IMMP2L: variants seen among roughly 807,000 people sequenced by gnomAD.
IMMP2L encodes the protein inner mitochondrial membrane peptidase subunit 2.
IMMP2L carries 18 observed loss-of-function variants against 19.3 expected under a neutral mutation model. The observed-to-expected ratio is 0.93, with a 90% CI of 0.64 to 1.38. IMMP2L has a LOEUF of 1.38. IMMP2L is among the 40% of genes most tolerant of loss of function. The probability of loss-of-function intolerance (pLI) is 0.00; values close to 1 mark genes in which losing one functional copy is unlikely to be tolerated. For missense variants in IMMP2L, 233 were observed against 218.2 expected (o/e 1.07, Z -0.43); for synonymous variants, 76 against 73.0 (o/e 1.04, Z -0.21).
chr7:111,489,115 C>T (rs1216057700), intron 2 of IMMP2L, among the ~76,000 whole-genome samples: 3 of 148,954 alleles, frequency 2.0e-5, no homozygotes, highest in African/African-American at 7.5e-5. Flanking sequence ...ATCATCTCCG[C>T]TCACTGCAAT....
chr7:110,880,623 A>G (rs557174350), intron 5 of IMMP2L, among the ~76,000 whole-genome samples: 60 of 152,066 alleles, frequency 3.9e-4, no homozygotes, highest in African/African-American at 1.4e-3. Context: ...TTATTTTTCT[A>G]TGTACACTCA....
rs371793087 is a variant in IMMP2L at position 110,663,667 on chromosome 7, G to A, written c.463C>T (p.Arg155Cys). ...HATHILWPPE[R>C]WQKLESVLPP... is the part of the protein sequence containing the mutation. The stretch of plus-strand genomic sequence containing the variant: ...AGAACAGATTCCAATTTCTGCCAGC[G>A]CTCTGGGGGCCACAGGATATGTGTG... Residue 155 changes from arginine to cysteine, a missense_variant, in exon 6 of 6, where the codon CGC (arginine) becomes TGC (cysteine). Transcript: ENST00000405709. The A allele has an allele frequency of 6.3e-5, 102 of 1,609,228 alleles. No individual in the cohort carries two copies. The highest frequency in any genetic ancestry group is 1.8e-4 in the Admixed American group (11 of 59,586).
chr7:111,074,071 A>C (rs1795181525), intron 3 of IMMP2L, among the ~76,000 whole-genome samples: 1 of 152,196 alleles, frequency 6.6e-6, no homozygotes, highest in Non-Finnish European at 1.5e-5. Flanking sequence ...GTTACCCAGT[A>C]ATTTTGACTA....
chr7:111,354,500 T>C (rs1828499732), intron 3 of IMMP2L, among the ~76,000 whole-genome samples: 2 of 151,210 alleles, frequency 1.3e-5, no homozygotes, highest in African/African-American at 4.9e-5. Flanking sequence ...CATTAAATGA[T>C]AAATATCAGA....
At chr7:110,959,047 G>A (rs919505562) in intron 4 of IMMP2L, among the ~76,000 whole-genome samples, 3 of 151,882 alleles carry the variant, frequency 2.0e-5, no homozygotes, top group Non-Finnish European at 4.4e-5. Flanking sequence ...CCACCTAAAG[G>A]AGTGTAACTA....
At chr7:111,499,652 A>C (rs1326791999) in intron 2 of IMMP2L, among the ~76,000 whole-genome samples, 1 of 152,206 alleles carries the variant, frequency 6.6e-6, no homozygotes, top group African/African-American at 2.4e-5. Flanking sequence ...TTGTCCATAG[A>C]AAGCTTAAAA....
At chr7:110,866,849 C>T (rs995686256) in intron 5 of IMMP2L, among the ~76,000 whole-genome samples, 1 of 152,060 alleles carries the variant, frequency 6.6e-6, no homozygotes, top group Non-Finnish European at 1.5e-5. Flanking sequence ...TGCTTCAGTA[C>T]TGCCATGGCT....
intron 3 of IMMP2L, among the ~76,000 whole-genome samples, chr7:111,437,748 G>A (rs1837325980): frequency 6.6e-6 from 1 of 151,724 alleles, no homozygotes; most frequent in African/African-American, 2.4e-5. Flanking sequence ...CTGGCCCACT[G>A]GAATGTAAAC....
intron 5 of IMMP2L, among the ~76,000 whole-genome samples, chr7:110,685,378 A>C (rs952678914): frequency 1.7e-4 from 26 of 152,318 alleles, no homozygotes; most frequent in Non-Finnish European, 1.5e-5. Context: ...AAATGGTATA[A>C]TTTGCAAATC....
intron 3 of IMMP2L, among the ~76,000 whole-genome samples, chr7:111,256,366 G>T (rs1816697038): frequency 6.6e-6 from 1 of 152,000 alleles, no homozygotes; most frequent in South Asian, 2.1e-4. Flanking sequence ...GAAAAATAAT[G>T]TTTAAATCTA....
At chr7:110,797,582 T>C (rs2131188530) in intron 5 of IMMP2L, among the ~76,000 whole-genome samples, 1 of 152,100 alleles carries the variant, frequency 6.6e-6, no homozygotes, top group South Asian at 2.1e-4. Context: ...CACGTTTCTG[T>C]TGTGCCACAG....
intron 3 of IMMP2L, among the ~76,000 whole-genome samples, chr7:111,300,910 G>A (rs1156516041): frequency 1.3e-5 from 2 of 152,088 alleles, no homozygotes; most frequent in African/African-American, 4.8e-5. Context: ...TTCATGTACA[G>A]GTTTTTGTTG....
intron 5 of IMMP2L, among the ~76,000 whole-genome samples, chr7:110,745,101 G>A (rs183337523): frequency 8.9e-4 from 135 of 152,270 alleles, no homozygotes; most frequent in African/African-American, 3.1e-3. Context: ...ATTTCGTGAA[G>A]CATACACAAG....
At chr7:111,270,484 G>A (rs1818336384) in intron 3 of IMMP2L, among the ~76,000 whole-genome samples, 1 of 151,984 alleles carries the variant, frequency 6.6e-6, no homozygotes. Flanking sequence ...TTATGTAGAT[G>A]TAGTCCATCA....
intron 4 of IMMP2L, among the ~76,000 whole-genome samples, chr7:110,952,933 T>C (rs1327497747): frequency 2.0e-5 from 3 of 152,092 alleles, no homozygotes; most frequent in Admixed American, 6.6e-5. Context: ...TGCTACCCAA[T>C]AATATAGTCA....
In IMMP2L at chr7:110,687,706, G is replaced by A. The variant is rs1793215024; in HGVS notation, c.409-23985C>T. Among the ~76,000 whole-genome samples, 7 of 152,178 alleles carry A rather than the reference G, an allele frequency of 4.6e-5. 1 individual carries two copies. The highest frequency in any genetic ancestry group is 4.6e-4 in the Admixed American group (7 of 15,266). On this transcript the variant is annotated intron_variant, in intron 5 of 5. Transcript: ENST00000405709. ...TTTTGATGAAATAGCCAAAGCATGT[G>A]TACGTAAATAATTCTACTTATTTCT...
At chr7:111,183,101 T>C (rs1324904794) in intron 3 of IMMP2L, among the ~76,000 whole-genome samples, 3 of 152,050 alleles carry the variant, frequency 2.0e-5, no homozygotes, top group Non-Finnish European at 2.9e-5. Context: ...TGATTGTGTC[T>C]AAACCAAAAA....
intron 3 of IMMP2L, among the ~76,000 whole-genome samples, chr7:111,167,664 G>T (rs1805977831): frequency 6.6e-6 from 1 of 151,870 alleles, no homozygotes; most frequent in South Asian, 2.1e-4. Context: ...TATAATATAA[G>T]GGAGAATCAA....
In IMMP2L at chr7:111,205,391, A is replaced by G. The variant is rs961563865; in HGVS notation, c.240-241826T>C. ...AGTGTTTTTACTTGGTTTGTTGTGTATTTCTTTCAAGGAAATTATCACTGC... is the reference window on the plus strand; with the variant it reads ...AGTGTTTTTACTTGGTTTGTTGTGTGTTTCTTTCAAGGAAATTATCACTGC... On this transcript the variant is annotated intron_variant, in intron 3 of 5. Transcript: ENST00000405709. 3.3e-5 allele frequency among the ~76,000 whole-genome samples: 5 copies of G among 152,166 alleles called. No homozygotes were observed. The East Asian group carries it at 5.8e-4, about 18-fold the overall frequency.
Sources: allele counts gnomAD v4.1 joint callset (sites outside exome capture counted in the v4.1 genomes callset), GRCh38; gene constraint gnomAD v4.1.1; transcripts MANE v1.5; gene names NCBI Gene and HGNC (gene_info 2026-07-23, HGNC 2026-07-21).